Variants in SENP5 observed in about 807,000 individuals in gnomAD.
SENP5 encodes sentrin-specific protease 5.
SENP5 carries 21 observed loss-of-function variants against 74.2 expected under a neutral mutation model. That is an observed-to-expected ratio of 0.28 (90% CI 0.20 to 0.41). The LOEUF (loss-of-function observed/expected upper bound fraction) is 0.41. Among genes scored for constraint, SENP5 ranks in the 10% least tolerant of loss-of-function variants. The probability of loss-of-function intolerance (pLI) is 1.00; values close to 1 mark genes in which losing one functional copy is unlikely to be tolerated. For missense variants in SENP5, 717 were observed against 889.1 expected, an observed-to-expected ratio of 0.81 and a Z score of 2.46; for synonymous variants, 311 against 312.7, an observed-to-expected ratio of 0.99 and a Z score of 0.06.
At chr3:196,910,743 CAAAA>C (rs1032105229) in intron 6 of SENP5, among the ~76,000 whole-genome samples, 17 of 151,978 alleles carry the variant, frequency 1.1e-4, no homozygotes, top group African/African-American at 4.1e-4. Context: ...CATATGGAAA[CAAAA>C]AAGAGCCTGT....
intron 6 of SENP5, among the ~76,000 whole-genome samples, chr3:196,919,107 A>G (rs570642664): frequency 6.6e-6 from 1 of 152,210 alleles, no homozygotes; most frequent in Non-Finnish European, 1.5e-5. Flanking sequence ...CAAAAACGGA[A>G]AAGAGCCAGA....
At chr3:196,884,002 A>G (rs909240601) in intron 1 of SENP5, among the ~76,000 whole-genome samples, 1 of 152,140 alleles carries the variant, frequency 6.6e-6, no homozygotes, top group Admixed American at 6.6e-5. Context: ...CTGTGTTCTC[A>G]TGTGTAAAAT....
In SENP5 at chr3:196,869,642, C is replaced by A. The variant is rs183097383; in HGVS notation, c.-32+1569C>A. 2.1e-4 allele frequency among the ~76,000 whole-genome samples: 32 copies of A among 151,408 alleles called. 1 individual carries two copies. The East Asian group carries it at 6.2e-3, about 29-fold the overall frequency. ...AGGCGTGGTGGCGCATGCCTGTAAT[C>A]CCAGCTACTCGGAAGGCTGAGGCAG... On this transcript the variant is annotated intron_variant, in intron 1 of 9. Transcript: ENST00000323460.
intron 2 of SENP5, among the ~76,000 whole-genome samples, chr3:196,896,837 G>A (rs1714461475): frequency 6.6e-6 from 1 of 152,164 alleles, no homozygotes; most frequent in African/African-American, 2.4e-5. Flanking sequence ...TGTCTTATGA[G>A]TATTTTTTAA....
In SENP5 at chr3:196,923,664, A is replaced by AATCCTCCAAAGTGTTT; in HGVS notation, c.2022+114_2022+115insTCCTCCAAAGTGTTTA. ...CCATATAGGAACAGTTTATGTCATGAAAATCCTCCAAAGTGTTAGCTGAGA... is the reference window on the plus strand; with the variant it reads ...CCATATAGGAACAGTTTATGTCATGAATCCTCCAAAGTGTTTAAATCCTCCAAAGTGTTAGCTGAGA... On this transcript the variant is annotated intron_variant, in intron 7 of 9. Transcript: ENST00000323460. The AATCCTCCAAAGTGTTT allele has an allele frequency of 4.5e-6, 3 of 666,774 alleles. No individual in the cohort carries two copies. In the South Asian group the frequency reaches 6.3e-5, roughly 14 times the overall value. 41.3% of individuals were successfully genotyped at this position (666,774 alleles called of 1,614,324 possible). A position where few individuals can be genotyped will look rare whatever the true frequency, so the allele number is the denominator to read the frequency against.
intron 1 of SENP5, among the ~76,000 whole-genome samples, chr3:196,870,140 A>C (rs1296634503): frequency 6.6e-6 from 1 of 152,148 alleles, no homozygotes; most frequent in Non-Finnish European, 1.5e-5. Context: ...GCGAATTTTT[A>C]GTTCCTTTTT....
chr3:196,873,989 C>A (rs1713340269), intron 1 of SENP5, among the ~76,000 whole-genome samples: 1 of 151,722 alleles, frequency 6.6e-6, no homozygotes, highest in African/African-American at 2.4e-5. Context: ...AGACATGCAC[C>A]ATGGTGCCTG....
At chr3:196,920,340 A>G (rs763262791) in intron 6 of SENP5, among the ~76,000 whole-genome samples, 1 of 152,218 alleles carries the variant, frequency 6.6e-6, no homozygotes, top group Non-Finnish European at 1.5e-5. Flanking sequence ...AAAAAATATT[A>G]TCTTCTAGTT....
At chr3:196,878,043 T>C (rs190762671) in intron 1 of SENP5, among the ~76,000 whole-genome samples, 153 of 152,296 alleles carry the variant, frequency 1.0e-3, no homozygotes, top group African/African-American at 3.6e-3. Flanking sequence ...AAAAACCCTC[T>C]AGATAACAAA....
chr3:196,915,867 AC>A (rs1233472901), intron 6 of SENP5, among the ~76,000 whole-genome samples: 1 of 152,224 alleles, frequency 6.6e-6, no homozygotes, highest in Non-Finnish European at 1.5e-5. Flanking sequence ...TAGTGCAGAT[AC>A]GGCTGCAGTG....
intron 1 of SENP5, among the ~76,000 whole-genome samples, chr3:196,871,542 A>T (rs1713215472): frequency 6.6e-6 from 1 of 152,064 alleles, no homozygotes; most frequent in East Asian, 1.9e-4. Flanking sequence ...AATTTTCAAG[A>T]ATTTTTTAAC....
chr3:196,914,586 A>AAAAAAATAT, intron 6 of SENP5: 2 of 33,496 alleles, frequency 6.0e-5, no homozygotes, highest in African/African-American at 1.8e-4. Context: ...AAAAAAAAAA[A>AAAAAAATAT]ATATATATAT....
chr3:196,900,654 C>T (rs1232113961), intron 5 of SENP5, among the ~76,000 whole-genome samples: 1 of 152,044 alleles, frequency 6.6e-6, no homozygotes, highest in Non-Finnish European at 1.5e-5. Context: ...GGCGTGATCT[C>T]GGCTCATTGC....
chr3:196,893,948 C>T (rs960236243), intron 2 of SENP5, among the ~76,000 whole-genome samples: 1 of 150,566 alleles, frequency 6.6e-6, no homozygotes, highest in African/African-American at 2.4e-5. Flanking sequence ...TTAAGAAATA[C>T]ATGTTCAAAG....
Position 196,899,671 on chromosome 3 carries a change from C to G in SENP5, c.1519C>G (p.Leu507Val), listed in dbSNP as rs1714614377. The G allele has an allele frequency of 6.3e-7, 1 of 1,595,834 alleles. No homozygotes were observed. Among genetic ancestry groups the G allele is most frequent in the East Asian group, 2.2e-5 (1 of 44,684 alleles). Residue 507 changes from leucine (L) to valine (V), a missense_variant, in exon 3 of 10, where the codon CTA becomes GTA. Leu to Val is a conservative substitution (Grantham distance 32). Around this residue, in one of 4 missense-constraint regions of SENP5, gnomAD observed 64 missense variants for 100.8 expected, o/e 0.64. Transcript: ENST00000323460. ...TCTTTCTTCCTTTATTTAAGGATTC[C>G]TAGATGAGGTTATGAAGAAGTATGG... ...EQLSVCLSGFLDEVMKKYGSL... is the reference protein window; with the variant it reads ...EQLSVCLSGFVDEVMKKYGSL...
At chr3:196,913,568 CA>C (rs1259959436) in intron 6 of SENP5, among the ~76,000 whole-genome samples, 36 of 57,984 alleles carry the variant, frequency 6.2e-4, no homozygotes, top group Admixed American at 2.0e-3. Context: ...GACTCCATCT[CA>C]AAAAAAAAAA....
intron 2 of SENP5, among the ~76,000 whole-genome samples, chr3:196,898,173 T>C (rs1714528086): frequency 1.5e-5 from 1 of 66,754 alleles, no homozygotes; most frequent in Non-Finnish European, 3.7e-5. Context: ...AGCAAGGCTT[T>C]GTCTTAAAAA....
At chr3:196,913,750 A>G (rs1044216997) in intron 6 of SENP5, 1 of 146,778 alleles carries the variant, frequency 6.8e-6, no homozygotes, top group Non-Finnish European at 1.5e-5. Flanking sequence ...CCTGGGTTCA[A>G]GCGATTCTCC....
At chr3:196,927,647 A>AG in intron 7 of SENP5, 149 bp from the exon 8 acceptor site, 3 of 539,112 alleles carry the variant, frequency 5.6e-6, no homozygotes, top group Non-Finnish European at 9.9e-6. Flanking sequence ...AAAAAAAAAA[A>AG]AAAAAAAAAT....
Sources: allele counts gnomAD v4.1 joint callset (sites outside exome capture counted in the v4.1 genomes callset), GRCh38; gene constraint gnomAD v4.1.1; regional missense constraint gnomAD v4.1.1; transcripts MANE v1.5; gene names NCBI Gene and HGNC (gene_info 2026-07-23, HGNC 2026-07-21).